The following IL1RAPL2 variants were observed in gnomAD, a reference collection of about 807,000 sequenced individuals.
IL1RAPL2 encodes the protein interleukin 1 receptor accessory protein like 2, also known as X-linked interleukin-1 receptor accessory protein-like 2.
Under a neutral mutation model 44.1 loss-of-function variants are expected in IL1RAPL2, and 3 were observed. The ratio of observed to expected loss-of-function variants is 0.07; its 90% CI spans 0.03 to 0.18. IL1RAPL2 has a LOEUF of 0.18. IL1RAPL2 is among the 10% of genes least tolerant of loss of function. The probability of loss-of-function intolerance (pLI) is 1.00; values close to 1 mark genes in which losing one functional copy is unlikely to be tolerated. For synonymous variants in IL1RAPL2, 181 were observed against 178.8 expected (o/e 1.01, Z -0.10); for missense variants, 391 against 496.4 (o/e 0.79, Z 2.02).
intron 1 of IL1RAPL2, among the ~76,000 whole-genome samples, chrX:104,577,116 A>G (rs960558231): frequency 4.5e-5 from 5 of 111,366 alleles, no homozygotes; most frequent in Non-Finnish European, 9.4e-5. Context: ...TTCCGTTCCC[A>G]TACTCACCCA....
At chrX:104,721,933 GC>G (rs1931686462) in intron 2 of IL1RAPL2, among the ~76,000 whole-genome samples, 1 of 111,152 alleles carries the variant, frequency 9.0e-6, no homozygotes, top group African/African-American at 3.3e-5. Context: ...ATTCCTGCTT[GC>G]CCTTTTGTTC....
At chrX:105,731,539 T>C (rs948839750) in intron 7 of IL1RAPL2, among the ~76,000 whole-genome samples, 1 of 111,140 alleles carries the variant, frequency 9.0e-6, no homozygotes, top group African/African-American at 3.3e-5. Context: ...CTATTGACAA[T>C]AGCAATAATA....
At chrX:105,155,560 G>A (rs1261285554) in intron 2 of IL1RAPL2, among the ~76,000 whole-genome samples, 1 of 111,233 alleles carries the variant, frequency 9.0e-6, no homozygotes, top group African/African-American at 3.3e-5. Context: ...AATGTATCAT[G>A]TAGAAAATGG....
At chrX:105,093,569 G>A in intron 2 of IL1RAPL2, among the ~76,000 whole-genome samples, 1 of 111,939 alleles carries the variant, frequency 8.9e-6, no homozygotes, top group South Asian at 3.7e-4. Context: ...CTATTCAGAA[G>A]TGGAGAACAG....
chrX:104,852,325 A>G (rs1922247962), intron 2 of IL1RAPL2, among the ~76,000 whole-genome samples: 1 of 112,339 alleles, frequency 8.9e-6, no homozygotes, highest in African/African-American at 3.2e-5. Flanking sequence ...ACAAGGATCA[A>G]TAACAAAGGT....
rs782746301 is a variant in IL1RAPL2, at chrX:105,180,698, C to T, written c.83-14777C>T. On this transcript the variant is annotated intron_variant, in intron 2 of 10. Coordinates refer to ENST00000372582, the MANE Select transcript of IL1RAPL2 (RefSeq NM_017416.2). ...ATCCCTGATATAAATCCCACTTGATCTCAGTGTATTATCTTTTTGATGTGC... is the reference window on the plus strand; with the variant it reads ...ATCCCTGATATAAATCCCACTTGATTTCAGTGTATTATCTTTTTGATGTGC... Among the ~76,000 whole-genome samples the T allele has an allele frequency of 2.7e-5, 3 of 112,030 alleles. No homozygotes were observed. The South Asian group carries it at 1.1e-3, about 42-fold the overall frequency.
chrX:105,483,972 A>T (rs1363705893), intron 5 of IL1RAPL2, among the ~76,000 whole-genome samples: 1 of 111,813 alleles, frequency 8.9e-6, no homozygotes, highest in East Asian at 2.8e-4. Context: ...TACAAAGCAT[A>T]TATGAGGATT....
intron 2 of IL1RAPL2, among the ~76,000 whole-genome samples, chrX:105,130,871 A>G (rs775314385): frequency 9.0e-6 from 1 of 111,477 alleles, no homozygotes; most frequent in African/African-American, 3.2e-5. Flanking sequence ...CTTACTAGAA[A>G]CAGAAAGCCT....
At chrX:105,438,458 A>C (rs970150599) in intron 5 of IL1RAPL2, among the ~76,000 whole-genome samples, 12 of 110,286 alleles carry the variant, frequency 1.1e-4, no homozygotes, top group Admixed American at 2.9e-4. Flanking sequence ...GTATTATAAA[A>C]CTCTGTTTTG....
chrX:105,424,129 GT>G (rs1331530846), intron 5 of IL1RAPL2, among the ~76,000 whole-genome samples: 1 of 112,129 alleles, frequency 8.9e-6, no homozygotes, highest in Non-Finnish European at 1.9e-5. Context: ...AATTTAGAAA[GT>G]TTATTTTGCC....
chrX:105,662,746 G>A (rs185960002), intron 6 of IL1RAPL2, among the ~76,000 whole-genome samples: 2 of 111,593 alleles, frequency 1.8e-5, no homozygotes, highest in East Asian at 5.7e-4. Context: ...GGTATCCTAT[G>A]GAGAGGCCTA....
intron 2 of IL1RAPL2, among the ~76,000 whole-genome samples, chrX:105,172,864 G>A (rs756471512): frequency 1.5e-4 from 17 of 111,486 alleles, no homozygotes; most frequent in South Asian, 3.8e-4. Flanking sequence ...GAGTTGGAGG[G>A]CAGGGACTTA....
chrX:105,220,287 C>T, intron 3 of IL1RAPL2: 3 of 1,211,202 alleles, frequency 2.5e-6, no homozygotes, highest in Non-Finnish European at 3.4e-6. Context: ...AGGATATATT[C>T]TCAAGATAGA....
chrX:105,489,819 CTCTT>C (rs1448499395), intron 6 of IL1RAPL2, among the ~76,000 whole-genome samples: 1 of 94,354 alleles, frequency 1.1e-5, no homozygotes. Context: ...CTCTCTCTCT[CTCTT>C]TCTTTTTCTT....
intron 6 of IL1RAPL2, among the ~76,000 whole-genome samples, chrX:105,712,658 C>A (rs1369852119): frequency 9.0e-6 from 1 of 110,823 alleles, no homozygotes; most frequent in Non-Finnish European, 1.9e-5. Context: ...GGAAAACTGC[C>A]CCCATGATAC....
intron 2 of IL1RAPL2, among the ~76,000 whole-genome samples, chrX:105,002,410 G>A (rs2030867218): frequency 9.0e-6 from 1 of 111,266 alleles, no homozygotes; most frequent in South Asian, 3.7e-4. Flanking sequence ...TGAATGATAG[G>A]TAGAAATGAA....
chrX:105,698,352 A>G (rs2038093265), intron 6 of IL1RAPL2, among the ~76,000 whole-genome samples: 2 of 111,839 alleles, frequency 1.8e-5, no homozygotes, highest in African/African-American at 6.5e-5. Flanking sequence ...ATGTTTTTGT[A>G]AAGCTTTCCG....
At chrX:105,100,185 C>T (rs1054708130) in intron 2 of IL1RAPL2, among the ~76,000 whole-genome samples, 3 of 111,649 alleles carry the variant, frequency 2.7e-5, no homozygotes, top group Non-Finnish European at 5.6e-5. Context: ...TGTATGTAGA[C>T]GAAAAACATA....
chrX:105,217,289 T>G (rs782361651), intron 3 of IL1RAPL2, among the ~76,000 whole-genome samples: 3 of 110,793 alleles, frequency 2.7e-5, no homozygotes, highest in East Asian at 5.7e-4. Context: ...AAAAAGTGGG[T>G]GAAGGACATG....
Sources: gnomAD v4.1 joint callset for allele counts (sites outside exome capture counted in the v4.1 genomes callset) on GRCh38, gnomAD v4.1.1 for gene constraint, MANE v1.5 for transcripts, NCBI Gene and HGNC (gene_info 2026-07-23, HGNC 2026-07-21) for gene names.